Variants in DLC1 observed in about 807,000 individuals in gnomAD.
DLC1 encodes DLC1 Rho GTPase activating protein.
DLC1 carries 54 observed loss-of-function variants against 140.3 expected under a neutral mutation model. That is an observed-to-expected ratio of 0.38 (90% confidence interval 0.31 to 0.48). The LOEUF (loss-of-function observed/expected upper bound fraction) is 0.48. Among genes scored for constraint, DLC1 ranks in the 20% least tolerant of loss-of-function variants. The pLI, the probability that DLC1 is intolerant of heterozygous loss-of-function variation, is 0.96. For synonymous variants in DLC1, 986 were observed against 728.1 expected (o/e 1.35, Z -5.70); for missense variants, 2,536 against 1,907.0 (o/e 1.33, Z -6.14).
intron 5 of DLC1, among the ~76,000 whole-genome samples, chr8:13,188,419 C>CAAAAAAAAAAAAAAAAAAAAAAAAAAA (rs1178090798): frequency 3.4e-5 from 2 of 58,984 alleles, no homozygotes; most frequent in African/African-American, 6.8e-5. Flanking sequence ...GACTCCGTCT[C>CAAAAAAAAAAAAAAAAAAAAAAAAAAA]AAAAAAAAAA....
At chr8:13,506,962 C>T (rs959013856) in intron 1 of DLC1, among the ~76,000 whole-genome samples, 3 of 152,066 alleles carry the variant, frequency 2.0e-5, no homozygotes, top group Non-Finnish European at 4.4e-5. Flanking sequence ...TGGGGACTCA[C>T]ACTTGTACAT....
intron 5 of DLC1, among the ~76,000 whole-genome samples, chr8:13,302,782 C>A (rs1169605326): frequency 6.6e-6 from 1 of 150,678 alleles, no homozygotes; most frequent in Non-Finnish European, 1.5e-5. Flanking sequence ...GCTCAATTAA[C>A]CCCGAGAAGA....
At chr8:13,393,844 A>T in intron 3 of DLC1, 151 bp from the exon 4 acceptor site, 1 of 876,472 alleles carries the variant, frequency 1.1e-6, no homozygotes, top group South Asian at 1.7e-5. Context: ...CGTGTCACAC[A>T]TAATCATGCA....
intron 5 of DLC1, among the ~76,000 whole-genome samples, chr8:13,144,567 C>T (rs1244487941): frequency 6.6e-6 from 1 of 152,136 alleles, no homozygotes; most frequent in Admixed American, 6.5e-5. Flanking sequence ...AGATCGAGAA[C>T]ATCCTGGCTA....
At chr8:13,238,820 G>A (rs757635273) in intron 5 of DLC1, among the ~76,000 whole-genome samples, 4 of 152,126 alleles carry the variant, frequency 2.6e-5, no homozygotes, top group Non-Finnish European at 5.9e-5. Context: ...TGATGTGTAT[G>A]CTCTCTGACG....
chr8:13,267,307 C>A (rs1830726152), intron 5 of DLC1, among the ~76,000 whole-genome samples: 1 of 151,612 alleles, frequency 6.6e-6, no homozygotes, highest in African/African-American at 2.4e-5. Flanking sequence ...TGTTCTTACT[C>A]ATCTAGTTTA....
At chr8:13,338,395 A>G (rs1833893924) in intron 4 of DLC1, among the ~76,000 whole-genome samples, 1 of 152,210 alleles carries the variant, frequency 6.6e-6, no homozygotes, top group African/African-American at 2.4e-5. Flanking sequence ...TGAAGTTAAG[A>G]GTTGCTGCAT....
In DLC1 at chr8:13,095,389, C is replaced by T. The variant is rs1163241927; in HGVS notation, c.3168-144G>A. Reference sequence around the variant, plus strand: ...CTTAAATTTAAATTAAACAAAATGACAAATTCAGTTCCCCAGTGGTACTGG... The same window carrying T: ...CTTAAATTTAAATTAAACAAAATGATAAATTCAGTTCCCCAGTGGTACTGG... On this transcript the variant is annotated intron_variant, in intron 10 of 17. Transcript: ENST00000276297. The T allele has an allele frequency of 8.8e-6, 9 of 1,026,758 alleles. No individual in the cohort carries two copies. The Admixed American group carries it at 1.0e-4, about 12-fold the overall frequency. 63.6% of individuals were successfully genotyped at this position (1,026,758 alleles called of 1,614,324 possible). A position where few individuals can be genotyped will look rare whatever the true frequency, so the allele number is the denominator to read the frequency against.
chr8:13,473,316 AG>A (rs1248726341), intron 2 of DLC1, among the ~76,000 whole-genome samples: 1 of 152,152 alleles, frequency 6.6e-6, no homozygotes, highest in Non-Finnish European at 1.5e-5. Context: ...TCATGGGGGC[AG>A]GTCTTTCCCA....
chr8:13,150,154 A>G (rs1328810434), intron 5 of DLC1, among the ~76,000 whole-genome samples: 2 of 152,204 alleles, frequency 1.3e-5, no homozygotes, highest in Non-Finnish European at 2.9e-5. Context: ...AGCTTAAAAG[A>G]AATGGAGAAG....
chr8:13,398,651 T>G (rs1211246569), intron 3 of DLC1, among the ~76,000 whole-genome samples: 1 of 149,582 alleles, frequency 6.7e-6, no homozygotes, highest in African/African-American at 2.5e-5. Context: ...GATGCATGCC[T>G]GTAGTCCCAA....
intron 2 of DLC1, among the ~76,000 whole-genome samples, chr8:13,423,036 G>T (rs933198135): frequency 1.3e-5 from 2 of 152,078 alleles, no homozygotes; most frequent in Non-Finnish European, 2.9e-5. Flanking sequence ...GGAGTTGGGG[G>T]GTGATGTAAG....
chr8:13,533,979 T>C (rs1803186159), intron 1 of DLC1, among the ~76,000 whole-genome samples: 1 of 152,210 alleles, frequency 6.6e-6, no homozygotes, highest in Non-Finnish European at 1.5e-5. Context: ...ACCTCTTTTG[T>C]TTATAAATTA....
At chr8:13,380,072 G>A (rs1047487058) in intron 4 of DLC1, among the ~76,000 whole-genome samples, 1 of 152,072 alleles carries the variant, frequency 6.6e-6, no homozygotes, top group Non-Finnish European at 1.5e-5. Flanking sequence ...TTCATTCCTT[G>A]TCATTGGATC....
intron 5 of DLC1, among the ~76,000 whole-genome samples, chr8:13,230,042 A>G (rs915883611): frequency 6.6e-6 from 1 of 152,242 alleles, no homozygotes; most frequent in Admixed American, 6.5e-5. Flanking sequence ...TGGTAGCTGC[A>G]GGCTCATAAA....
intron 16 of DLC1, among the ~76,000 whole-genome samples, chr8:13,087,111 C>G (rs550970596): frequency 2.6e-5 from 4 of 152,160 alleles, no homozygotes; most frequent in African/African-American, 9.7e-5. Context: ...AGCAAAAAGA[C>G]CCTCATTAGG....
chr8:13,128,288 T>C (rs953245954), intron 5 of DLC1, among the ~76,000 whole-genome samples: 1 of 152,152 alleles, frequency 6.6e-6, no homozygotes, highest in Non-Finnish European at 1.5e-5. Flanking sequence ...TTTCGTACAG[T>C]CAACGCGGGC....
intron 4 of DLC1, among the ~76,000 whole-genome samples, chr8:13,384,841 T>C (rs1479037164): frequency 6.6e-6 from 1 of 152,138 alleles, no homozygotes; most frequent in African/African-American, 2.4e-5. Context: ...ATGCAATGCC[T>C]TAGCGACAGG....
At chr8:13,540,509 T>C (rs576297913) in intron 1 of DLC1, among the ~76,000 whole-genome samples, 40 of 152,302 alleles carry the variant, frequency 2.6e-4, no homozygotes, top group African/African-American at 9.4e-4. Flanking sequence ...AGAATTCCAG[T>C]TCATGAACTG....
Sources: gnomAD v4.1 joint callset for allele counts (sites outside exome capture counted in the v4.1 genomes callset) on GRCh38, gnomAD v4.1.1 for gene constraint, MANE v1.5 for transcripts, NCBI Gene and HGNC (gene_info 2026-07-23, HGNC 2026-07-21) for gene names.